Variants in GALNT13 observed in about 807,000 individuals in gnomAD.
GALNT13 encodes the protein polypeptide N-acetylgalactosaminyltransferase 13, also known as UDP-GalNAc:polypeptide N-acetylgalactosaminyltransferase 13.
A neutral mutation model predicts 64.2 loss-of-function variants in GALNT13; 28 were observed. That is an observed-to-expected ratio of 0.44 (90% CI 0.32 to 0.60). The LOEUF (loss-of-function observed/expected upper bound fraction) is 0.60. Among genes scored for constraint, GALNT13 ranks in the 20% least tolerant of loss-of-function variants. The probability of loss-of-function intolerance (pLI) is 0.05; values close to 1 mark genes in which losing one functional copy is unlikely to be tolerated. For missense variants in GALNT13, 577 were observed against 669.8 expected (o/e 0.86, Z 1.53); for synonymous variants, 214 against 224.6 (o/e 0.95, Z 0.42).
chr2:153,459,870 GAAAGGTTATCTA>G, the GALNT13 span, among the ~76,000 whole-genome samples: 3 of 152,094 alleles, frequency 2.0e-5, no homozygotes, highest in Non-Finnish European at 4.4e-5. Context: ...AGAGCATAAT[GAAAGGTTATCTA>G]ATCACTAGAA....
At chr2:153,456,030 C>T in the GALNT13 span, among the ~76,000 whole-genome samples, 14 of 152,088 alleles carry the variant, frequency 9.2e-5, no homozygotes, top group Non-Finnish European at 2.1e-4. Context: ...TCAAGCTGTC[C>T]CTCTGAGGCC....
chr2:153,738,892 C>T, the GALNT13 span, among the ~76,000 whole-genome samples: 3,997 of 151,754 alleles, frequency 0.026, 83 homozygotes, highest in Non-Finnish European at 0.04. Context: ...TAAAAATGTC[C>T]ATATGTAGAG....
intron 8 of GALNT13, among the ~76,000 whole-genome samples, chr2:154,295,328 G>A (rs886979759): frequency 1.4e-4 from 15 of 108,662 alleles, no homozygotes; most frequent in East Asian, 3.0e-4. Context: ...ATCACTTCTC[G>A]TTATTGAAAA....
chr2:153,597,230 G>A, the GALNT13 span, among the ~76,000 whole-genome samples: 2 of 152,040 alleles, frequency 1.3e-5, no homozygotes, highest in Admixed American at 1.3e-4. Flanking sequence ...TTTCAGTACG[G>A]TCACAGCAGA....
downstream of GALNT13, among the ~76,000 whole-genome samples, chr2:154,455,137 C>A (rs527317512): frequency 5.7e-4 from 87 of 152,288 alleles, no homozygotes; most frequent in Non-Finnish European, 1.0e-3. Context: ...AATAACTACA[C>A]TAAAACAGAA....
the GALNT13 span, among the ~76,000 whole-genome samples, chr2:153,503,477 G>A: frequency 4.0e-5 from 6 of 151,676 alleles, no homozygotes; most frequent in Admixed American, 6.6e-5. Flanking sequence ...GACTTGCTCC[G>A]TTGCCAAGGT....
chr2:153,330,477 A>G, the GALNT13 span, among the ~76,000 whole-genome samples: 1 of 152,068 alleles, frequency 6.6e-6, no homozygotes, highest in African/African-American at 2.4e-5. Flanking sequence ...GTAAAGATCT[A>G]TCACCTCCTA....
At chr2:153,378,222 T>C in the GALNT13 span, among the ~76,000 whole-genome samples, 454 of 151,906 alleles carry the variant, frequency 3.0e-3, 18 homozygotes, top group East Asian at 0.08. Flanking sequence ...GAGCCAATGT[T>C]CCCAGAAGGT....
At chr2:154,333,049 A>G (rs1199549137) in intron 9 of GALNT13, among the ~76,000 whole-genome samples, 1 of 151,994 alleles carries the variant, frequency 6.6e-6, no homozygotes, top group Non-Finnish European at 1.5e-5. Flanking sequence ...TGGTTTTCAA[A>G]TGTCACATGG....
At chr2:154,104,332 A>G (rs1702501140) in intron 3 of GALNT13, among the ~76,000 whole-genome samples, 1 of 152,128 alleles carries the variant, frequency 6.6e-6, no homozygotes, top group African/African-American at 2.4e-5. Flanking sequence ...ATGCAAGGAC[A>G]CTTCTGCTGT....
chr2:153,300,210 T>G, the GALNT13 span, among the ~76,000 whole-genome samples: 2 of 152,164 alleles, frequency 1.3e-5, no homozygotes, highest in African/African-American at 2.4e-5. Context: ...CCTAGTTAGG[T>G]GCAATAAGAA....
chr2:153,324,939 T>C, the GALNT13 span, among the ~76,000 whole-genome samples: 4 of 152,114 alleles, frequency 2.6e-5, no homozygotes, highest in Non-Finnish European at 4.4e-5. Context: ...TGGCCTGAAT[T>C]TTCTTTTTTT....
chr2:153,971,324 G>A (rs896339895), intron 3 of GALNT13, among the ~76,000 whole-genome samples: 2 of 151,984 alleles, frequency 1.3e-5, no homozygotes, highest in Admixed American at 1.3e-4. Context: ...ATTTTTCACT[G>A]CATGACATAT....
the GALNT13 span, among the ~76,000 whole-genome samples, chr2:153,206,196 T>G: frequency 1.3e-5 from 2 of 152,058 alleles, no homozygotes; most frequent in Non-Finnish European, 2.9e-5. Flanking sequence ...ATTTGAGGGT[T>G]TGTTGTGATA....
the GALNT13 span, among the ~76,000 whole-genome samples, chr2:153,496,615 A>G: frequency 1.3e-5 from 2 of 152,310 alleles, no homozygotes; most frequent in East Asian, 1.9e-4. Flanking sequence ...TTAAATCTTC[A>G]TATTCCAAGT....
At chr2:154,240,379 C>T (rs1397702196) in intron 4 of GALNT13, among the ~76,000 whole-genome samples, 2 of 152,192 alleles carry the variant, frequency 1.3e-5, no homozygotes, top group Non-Finnish European at 2.9e-5. Context: ...TAGCCCCTTA[C>T]TAATCAGTGT....
chr2:153,256,372 AT>A, the GALNT13 span, among the ~76,000 whole-genome samples: 1 of 151,892 alleles, frequency 6.6e-6, no homozygotes, highest in African/African-American at 2.4e-5. Flanking sequence ...ATTCGTCTAA[AT>A]TTTTTTCAAA....
chr2:153,873,795 T>C (rs923899652), intron 1 of GALNT13, among the ~76,000 whole-genome samples: 1 of 152,108 alleles, frequency 6.6e-6, no homozygotes, highest in Non-Finnish European at 1.5e-5. Context: ...AAAGCTGCCT[T>C]TCCTCAGAGT....
chr2:154,347,386 T>G (rs141154320), intron 9 of GALNT13, among the ~76,000 whole-genome samples: 3 of 152,186 alleles, frequency 2.0e-5, no homozygotes, highest in Admixed American at 1.3e-4. Context: ...TTAAAGCTTT[T>G]AACATAAGTT....
Sources: allele counts gnomAD v4.1 joint callset (sites outside exome capture counted in the v4.1 genomes callset), GRCh38; gene constraint gnomAD v4.1.1; transcripts MANE v1.5; gene names NCBI Gene and HGNC (gene_info 2026-07-23, HGNC 2026-07-21).